LDLRAD4: variants seen among roughly 807,000 people sequenced by gnomAD.
LDLRAD4 encodes the protein low-density lipoprotein receptor class A domain-containing protein 4.
A neutral mutation model predicts 17.0 loss-of-function variants in LDLRAD4; 5 were observed. The ratio of observed to expected loss-of-function variants is 0.29; its 90% CI spans 0.15 to 0.62. The LOEUF is 0.62. Among genes scored for constraint, LDLRAD4 ranks in the 20% least tolerant of loss-of-function variants. The pLI, the probability that LDLRAD4 is intolerant of heterozygous loss-of-function variation, is 0.84. For missense variants in LDLRAD4, 340 were observed against 424.7 expected, an observed-to-expected ratio of 0.80 and a Z score of 1.75; for synonymous variants, 168 against 171.8, an observed-to-expected ratio of 0.98 and a Z score of 0.17.
At position 13,251,361 on chromosome 18, in the gene LDLRAD4, T is replaced by C. The variant is rs774773255; in HGVS notation, c.-466-26744T>C. ...CTCACCACTCCTATTCAACACGTAC[T>C]GGAAGTCATAGCCAGAGCAGTCAGG... On this transcript the variant is annotated intron_variant, in intron 1 of 5. Coordinates refer to the LDLRAD4 transcript ENST00000399848. Among the ~76,000 whole-genome samples the C allele has an allele frequency of 4.9e-4, 75 of 152,254 alleles. 1 individual carries two copies. Among genetic ancestry groups the C allele is most frequent in the Non-Finnish European group, 7.5e-4 (51 of 68,002 alleles).
At chr18:13,251,504 T>C (rs577231957) in intron 1 of LDLRAD4, among the ~76,000 whole-genome samples, 49 of 152,306 alleles carry the variant, frequency 3.2e-4, no homozygotes, top group African/African-American at 1.1e-3. Flanking sequence ...CTCTTAGAAC[T>C]GGTAAATGAA....
At chr18:13,494,819 T>TAATATTTTAATTACATA (rs2093432903) in intron 3 of LDLRAD4, among the ~76,000 whole-genome samples, 1 of 150,144 alleles carries the variant, frequency 6.7e-6, no homozygotes, top group Non-Finnish European at 1.5e-5. Flanking sequence ...TAAATGATTG[T>TAATATTTTAATTACATA]TCACGAAGTC....
At chr18:13,230,104 G>C (rs1368107701) in intron 1 of LDLRAD4, among the ~76,000 whole-genome samples, 1 of 152,186 alleles carries the variant, frequency 6.6e-6, no homozygotes, top group Non-Finnish European at 1.5e-5. Context: ...TGTGGGATTA[G>C]TGCCTTTATA....
At chr18:13,542,429 C>T (rs1195550387) in intron 3 of LDLRAD4, 1 of 152,482 alleles carries the variant, frequency 6.6e-6, no homozygotes, top group East Asian at 1.9e-4. Flanking sequence ...GAGGACCTTT[C>T]CTGCCTAGGA....
At chr18:13,462,634 C>A (rs2092470489) in intron 3 of LDLRAD4, among the ~76,000 whole-genome samples, 1 of 152,170 alleles carries the variant, frequency 6.6e-6, no homozygotes, top group African/African-American at 2.4e-5. Flanking sequence ...TTAACTGATA[C>A]AAATTCTTCT....
chr18:13,225,639 G>A (rs189255223), intron 1 of LDLRAD4, among the ~76,000 whole-genome samples: 62 of 152,248 alleles, frequency 4.1e-4, no homozygotes, highest in Middle Eastern at 3.4e-3. Flanking sequence ...GACAAATAAC[G>A]TTTTCTTTTC....
chr18:13,519,521 A>C (rs145518943), intron 3 of LDLRAD4, among the ~76,000 whole-genome samples: 3 of 152,230 alleles, frequency 2.0e-5, no homozygotes, highest in African/African-American at 7.2e-5. Flanking sequence ...AGCATTTTGG[A>C]AGGCCGAGGC....
chr18:13,499,345 TG>T (rs2093566955), intron 3 of LDLRAD4, among the ~76,000 whole-genome samples: 1 of 138,672 alleles, frequency 7.2e-6, no homozygotes, highest in African/African-American at 2.7e-5. Context: ...GGAGAATCCT[TG>T]CCACACACGT....
chr18:13,358,200 A>G (rs563678139), intron 1 of LDLRAD4, among the ~76,000 whole-genome samples: 2 of 152,192 alleles, frequency 1.3e-5, no homozygotes, highest in Admixed American at 6.5e-5. Context: ...AGGGATATTC[A>G]CTGACACGAG....
intron 1 of LDLRAD4, among the ~76,000 whole-genome samples, chr18:13,271,449 T>C (rs972994987): frequency 1.8e-4 from 28 of 152,166 alleles, no homozygotes; most frequent in Non-Finnish European, 1.9e-4. Context: ...ACTTTCTGGG[T>C]ACTTAGTTCA....
Position 13,645,875 on chromosome 18 carries a change from T to A in LDLRAD4, c.*218T>A. Reference sequence around the variant, plus strand: ...ATCTGGTCTGACCGCAAACAGTGTTTATTTGGGGACAGGGGTTGGGATGGG... The same window carrying A: ...ATCTGGTCTGACCGCAAACAGTGTTAATTTGGGGACAGGGGTTGGGATGGG... On this transcript the variant is annotated 3_prime_UTR_variant, in exon 6 of 6. Transcript: ENST00000359446. The surrounding 1 kb of genome is among the most constrained non-coding windows in gnomAD (Gnocchi z 5.7). 2.5e-6 allele frequency: 1 copy of A among 399,834 alleles called. No homozygotes were observed. 24.8% of individuals were successfully genotyped at this position (399,834 alleles called of 1,614,324 possible).
intron 1 of LDLRAD4, among the ~76,000 whole-genome samples, chr18:13,356,673 G>A (rs184563158): frequency 3.1e-4 from 47 of 152,180 alleles, no homozygotes; most frequent in Admixed American, 2.6e-3. Context: ...GAAATTTGCC[G>A]CCCCAGGAAT....
chr18:13,611,549 T>C, intron 3 of LDLRAD4: 1 of 985,388 alleles, frequency 1.0e-6, no homozygotes, highest in Non-Finnish European at 1.2e-6. Context: ...AAAGAGACTG[T>C]GCTTGAACAA....
In LDLRAD4 at chr18:13,622,704, A is replaced by C. The variant is rs2040764297; in HGVS notation, c.336+1433A>C. On this transcript the variant is annotated intron_variant, in intron 4 of 5. Transcript: ENST00000359446. This position sits in a 1 kb window ranked among gnomAD's most constrained non-coding sequence, Gnocchi z 5.3. ...AATTCTTCTGAAGTTCTAAACACAC[A>C]GTGTATGGGATTCACCTGTGTTTTG... 6.6e-6 allele frequency among the ~76,000 whole-genome samples: 1 copy of C among 152,230 alleles called. No homozygotes were observed. Among genetic ancestry groups the C allele is most frequent in the Non-Finnish European group, 1.5e-5 (1 of 68,054 alleles).
chr18:13,635,421 C>T (rs909385261), intron 4 of LDLRAD4, among the ~76,000 whole-genome samples: 3 of 152,148 alleles, frequency 2.0e-5, no homozygotes, highest in Admixed American at 6.5e-5. Flanking sequence ...TCCCATCTCC[C>T]CCCAAAAAAG....
chr18:13,625,739 C>A (rs1231675129), intron 4 of LDLRAD4, among the ~76,000 whole-genome samples: 1 of 130,580 alleles, frequency 7.7e-6, no homozygotes, highest in African/African-American at 2.9e-5. Context: ...CTCCTCCCCC[C>A]ACCAGAGCCC....
chr18:13,587,607 C>T (rs2094952974), intron 3 of LDLRAD4, among the ~76,000 whole-genome samples: 1 of 152,194 alleles, frequency 6.6e-6, no homozygotes, highest in Non-Finnish European at 1.5e-5. Context: ...ACCTCTTTCC[C>T]ACCTCCAATA....
At chr18:13,603,915 T>G (rs1412082747) in intron 3 of LDLRAD4, among the ~76,000 whole-genome samples, 1 of 152,264 alleles carries the variant, frequency 6.6e-6, no homozygotes, top group African/African-American at 2.4e-5. Flanking sequence ...GCTTAGCATT[T>G]GCTGCCTGCA....
At chr18:13,571,820 T>C (rs1009888422) in intron 3 of LDLRAD4, among the ~76,000 whole-genome samples, 48 of 151,990 alleles carry the variant, frequency 3.2e-4, no homozygotes, top group African/African-American at 1.2e-3. Flanking sequence ...GTGTTTTTAG[T>C]AGAGACGAGG....
Sources: allele counts gnomAD v4.1 joint callset (sites outside exome capture counted in the v4.1 genomes callset), GRCh38; gene constraint gnomAD v4.1.1; non-coding constraint Gnocchi (gnomAD v3.1); transcripts MANE v1.5; gene names NCBI Gene and HGNC (gene_info 2026-07-23, HGNC 2026-07-21).